SRSF11: variants seen among roughly 807,000 people sequenced by gnomAD.
The protein encoded by SRSF11 is serine/arginine-rich splicing factor 11.
In SRSF11, 9 loss-of-function variants were observed where a neutral mutation model predicts 56.0. The ratio of observed to expected loss-of-function variants is 0.16; its 90% CI spans 0.10 to 0.28. The LOEUF (loss-of-function observed/expected upper bound fraction) is 0.28. SRSF11 is among the 10% of genes least tolerant of loss of function. The probability of loss-of-function intolerance (pLI) is 1.00; values close to 1 mark genes in which losing one functional copy is unlikely to be tolerated. For missense variants in SRSF11, 421 were observed against 600.7 expected (o/e 0.70, Z 3.13); for synonymous variants, 222 against 215.3 (o/e 1.03, Z -0.27).
intron 1 of SRSF11, among the ~76,000 whole-genome samples, chr1:70,216,304 C>T (rs148711784): frequency 2.0e-5 from 3 of 152,008 alleles, no homozygotes; most frequent in South Asian, 4.1e-4. Flanking sequence ...TGGTTCCCTA[C>T]GTGTCCTACC....
upstream of SRSF11, among the ~76,000 whole-genome samples, chr1:70,217,872 T>C (rs1670155769): frequency 6.6e-6 from 1 of 152,200 alleles, no homozygotes; most frequent in Non-Finnish European, 1.5e-5. Context: ...AAAATTATGA[T>C]TCAACTCTTC....
intron 1 of SRSF11, among the ~76,000 whole-genome samples, chr1:70,208,162 C>T (rs1451392469): frequency 1.3e-5 from 2 of 152,076 alleles, no homozygotes; most frequent in Non-Finnish European, 2.9e-5. Context: ...TTTAATGATA[C>T]TGTATTAAAA....
rs938465121 is a variant in SRSF11, at chr1:70,252,009, G to A, written c.*1204G>A. Reference sequence around the variant, plus strand: ...ATAAAACCCTTAAACTTATGTTCATGTTCCTGTAAAACCGTATTTGTATTT... The same window carrying A: ...ATAAAACCCTTAAACTTATGTTCATATTCCTGTAAAACCGTATTTGTATTT... On this transcript the variant is annotated 3_prime_UTR_variant, in exon 12 of 12. Coordinates refer to ENST00000370949, the MANE Select transcript of SRSF11 (RefSeq NM_001350605.2). 6.6e-6 allele frequency: 1 copy of A among 152,556 alleles called. No homozygotes were observed. Among genetic ancestry groups the A allele is most frequent in the African/African-American group, 2.4e-5 (1 of 41,440 alleles). 9.5% of individuals were successfully genotyped at this position (152,556 alleles called of 1,614,324 possible).
chr1:70,250,278 C>T, intron 10 of SRSF11, 87 bp from the exon 11 acceptor site: 1 of 1,553,604 alleles, frequency 6.4e-7, no homozygotes, highest in East Asian at 2.2e-5. Flanking sequence ...TGGATCTTTG[C>T]TGTACTACTT....
intron 8 of SRSF11, among the ~76,000 whole-genome samples, chr1:70,245,941 G>A (rs2100983282): frequency 6.6e-6 from 1 of 152,232 alleles, no homozygotes; most frequent in East Asian, 1.9e-4. Flanking sequence ...CTAGGGGACT[G>A]TTCTAGTAAT....
At chr1:70,235,460 GT>G in intron 4 of SRSF11, 40 bp from the exon 5 acceptor site, 1 of 1,516,156 alleles carries the variant, frequency 6.6e-7, no homozygotes, top group Non-Finnish European at 9.1e-7. Context: ...GTCATTTATT[GT>G]TTTATGTATT....
intron 4 of SRSF11, among the ~76,000 whole-genome samples, chr1:70,235,077 A>G (rs1673652957): frequency 6.6e-6 from 1 of 152,198 alleles, no homozygotes; most frequent in Admixed American, 6.5e-5. Flanking sequence ...AATGTGGTTT[A>G]TAATTTTTCT....
intron 5 of SRSF11, among the ~76,000 whole-genome samples, chr1:70,236,612 G>A (rs1039448549): frequency 1.3e-5 from 2 of 151,584 alleles, no homozygotes; most frequent in Non-Finnish European, 2.9e-5. Flanking sequence ...TTACAGGCAT[G>A]AGCCACCATG....
At chr1:70,247,919 A>T (rs1008344918) in intron 9 of SRSF11, among the ~76,000 whole-genome samples, 1 of 152,162 alleles carries the variant, frequency 6.6e-6, no homozygotes, top group African/African-American at 2.4e-5. Flanking sequence ...AATCTGTTCA[A>T]CATCATTAGT....
chr1:70,243,336 CAAAAA>C (rs56098296), intron 7 of SRSF11, among the ~76,000 whole-genome samples: 526 of 32,284 alleles, frequency 0.016, no homozygotes, highest in Non-Finnish European at 0.021. Context: ...TGGTTGGTGG[CAAAAA>C]AAAAAAAAAA....
intron 5 of SRSF11, among the ~76,000 whole-genome samples, chr1:70,236,792 A>ATTTTTTTTTTTT (rs35602423): frequency 7.2e-5 from 6 of 83,738 alleles, no homozygotes; most frequent in African/African-American, 1.7e-4. Context: ...TATGTCATAA[A>ATTTTTTTTTTTT]TTTTTTTTTT....
At chr1:70,235,730 T>TTG in intron 5 of SRSF11, among the ~76,000 whole-genome samples, 180 bp downstream of exon 5, 1 of 152,300 alleles carries the variant, frequency 6.6e-6, no homozygotes, top group Non-Finnish European at 1.5e-5. Flanking sequence ...CTAAACTATT[T>TTG]TGTTTCAGTG....
chr1:70,214,060 GA>G (rs908429294), intron 1 of SRSF11, among the ~76,000 whole-genome samples: 29 of 152,008 alleles, frequency 1.9e-4, no homozygotes, highest in East Asian at 1.3e-3. Flanking sequence ...CTGCATGGGG[GA>G]AAAAAACATA....
chr1:70,239,594 G>T, intron 7 of SRSF11, 74 bp downstream of exon 7: 1 of 1,119,774 alleles, frequency 8.9e-7, no homozygotes, highest in Non-Finnish European at 1.3e-6. Flanking sequence ...TTAATTTGCT[G>T]TTAATCTGTT....
At chr1:70,247,296 A>T (rs1462003452) in intron 9 of SRSF11, 1 of 170,598 alleles carries the variant, frequency 5.9e-6, no homozygotes, top group African/African-American at 2.4e-5. Context: ...CTGTTGAATT[A>T]ATGGGAAGCA....
intron 7 of SRSF11, among the ~76,000 whole-genome samples, chr1:70,240,048 A>G (rs538976965): frequency 6.6e-6 from 1 of 152,314 alleles, no homozygotes; most frequent in African/African-American, 2.4e-5. Context: ...CTAATTAATC[A>G]TAGTTTCTAG....
intron 1 of SRSF11, among the ~76,000 whole-genome samples, chr1:70,206,683 A>G (rs775320840): frequency 3.3e-5 from 5 of 152,278 alleles, no homozygotes; most frequent in Non-Finnish European, 5.9e-5. Flanking sequence ...GATTGGTAGA[A>G]TAGTTGAAAG....
chr1:70,240,920 G>T (rs1280974042), intron 7 of SRSF11, among the ~76,000 whole-genome samples: 1 of 152,076 alleles, frequency 6.6e-6, no homozygotes, highest in African/African-American at 2.4e-5. Context: ...TTACAGGTGT[G>T]TGCCACCATG....
At chr1:70,211,771 A>G (rs1038366143) in intron 1 of SRSF11, among the ~76,000 whole-genome samples, 2 of 152,134 alleles carry the variant, frequency 1.3e-5, no homozygotes, top group Non-Finnish European at 2.9e-5. Context: ...ACTAGTGGAC[A>G]TTTAAATACT....
Sources: allele counts gnomAD v4.1 joint callset (sites outside exome capture counted in the v4.1 genomes callset), GRCh38; gene constraint gnomAD v4.1.1; transcripts MANE v1.5; gene names NCBI Gene and HGNC (gene_info 2026-07-23, HGNC 2026-07-21).